MTHFD1: variants seen among roughly 807,000 people sequenced by gnomAD.
MTHFD1 encodes C-1-tetrahydrofolate synthase, cytoplasmic.
MTHFD1 carries 44 observed loss-of-function variants against 110.3 expected under a neutral mutation model. That is an observed-to-expected ratio of 0.40 (90% CI 0.31 to 0.51). MTHFD1 has a LOEUF of 0.51. Among genes scored for constraint, MTHFD1 ranks in the 20% least tolerant of loss-of-function variants. MTHFD1 has a pLI of 0.60. For missense variants in MTHFD1, 909 were observed against 1,173.1 expected (o/e 0.77, Z 3.29); for synonymous variants, 402 against 428.8 (o/e 0.94, Z 0.77).
intron 22 of MTHFD1, chr14:64,445,002 G>A: frequency 2.0e-6 from 1 of 497,832 alleles, no homozygotes; most frequent in East Asian, 3.8e-5. Flanking sequence ...TGACCCCGGG[G>A]ACATTTGGCA....
At chr14:64,395,351 G>A (rs1273295370) in intron 1 of MTHFD1, among the ~76,000 whole-genome samples, 2 of 152,160 alleles carry the variant, frequency 1.3e-5, no homozygotes, top group East Asian at 3.8e-4. Flanking sequence ...GAACAGTTTA[G>A]CAATACTGTA....
intron 2 of MTHFD1, among the ~76,000 whole-genome samples, chr14:64,407,546 CT>C (rs1215785833): frequency 9.6e-4 from 50 of 52,020 alleles, no homozygotes; most frequent in East Asian, 6.8e-3. Context: ...CACTCTCTCT[CT>C]TTTTTTTTTT....
At position 64,454,874 on chromosome 14, in the gene MTHFD1, C is replaced by A; in HGVS notation, c.2717C>A (p.Thr906Lys). Reference protein sequence around the residue: ...GAGFLYPLVGTMSTMPGLPTR... With the variant: ...GAGFLYPLVGKMSTMPGLPTR... ...GGTTTTCTGTACCCCTTAGTAGGAA[C>A]GGTAAGTGCATGCTGCAAGGGAGTA... The change falls in exon 26 of 28, where the codon ACG becomes AAG. Residue 906 changes from threonine to lysine, a missense_variant and splice_region_variant. By Grantham distance (78) the Thr-to-Lys change is moderately conservative. This residue lies in a region of MTHFD1 where 482 missense variants were observed against 646.0 expected (regional missense o/e 0.75). Transcript: ENST00000652337. 2 of 1,614,162 alleles carry A rather than the reference C, an allele frequency of 1.2e-6. No individual in the cohort carries two copies. Among genetic ancestry groups the A allele is most frequent in the Non-Finnish European group, 1.7e-6 (2 of 1,179,992 alleles).
In MTHFD1 at chr14:64,447,321, A is replaced by C. The variant is rs138984778; in HGVS notation, c.2179-896A>C. Among the ~76,000 whole-genome samples the C allele has an allele frequency of 8.1e-3, 1,222 of 151,352 alleles. 15 individuals carry two copies. The highest frequency in any genetic ancestry group is 0.028 in the African/African-American group (1,161 of 41,264). ...CAGGTTCCTGCCACCACACCTAGTT[A>C]ATTTTTATATTTTTAATAGATACGG... On this transcript the variant is annotated intron_variant, in intron 22 of 27. Transcript: ENST00000652337.
Position 64,424,904 on chromosome 14 carries a change from G to A in MTHFD1, c.828G>A (p.Gly276=), listed in dbSNP as rs376359035. The stretch of plus-strand genomic sequence containing the variant: ...TCACTCCTGTTCCTGGCGGCGTAGG[G>A]CCCATGACAGTTGCAATGCTCATGC... ...SFITPVPGGV[G]PMTVAMLMQS... is the part of the protein sequence containing the mutation. Residue 276 remains glycine (G), a synonymous_variant, in exon 9 of 28, where the codon GGG becomes GGA. Coordinates refer to ENST00000652337, the MANE Select transcript of MTHFD1 (RefSeq NM_005956.4). The A allele has an allele frequency of 3.3e-5, 53 of 1,614,060 alleles. No individual in the cohort carries two copies. The highest frequency in any genetic ancestry group is 2.9e-4 in the East Asian group (13 of 44,892).
intron 16 of MTHFD1, among the ~76,000 whole-genome samples, chr14:64,436,672 A>G (rs1268848740): frequency 6.6e-6 from 1 of 152,232 alleles, no homozygotes; most frequent in African/African-American, 2.4e-5. Context: ...CCTTGACTCA[A>G]TAACCGTTGC....
rs1373274399 is a variant in MTHFD1 at position 64,430,242 on chromosome 14, T to C, written c.1311+12T>C. On this transcript the variant is annotated intron_variant, in intron 13 of 27. Transcript: ENST00000652337. Reference sequence around the variant, plus strand: ...TTCCTATGGAAGAGGTAAAGTATTCTGGGATTTGGCTGAATTAGATCCCCC... The same window carrying C: ...TTCCTATGGAAGAGGTAAAGTATTCCGGGATTTGGCTGAATTAGATCCCCC... 3.1e-6 allele frequency: 5 copies of C among 1,612,986 alleles called. No homozygotes were observed. Among genetic ancestry groups the C allele is most frequent in the East Asian group, 4.5e-5 (2 of 44,888 alleles).
At chr14:64,438,799 C>G (rs2078225632) in intron 16 of MTHFD1, among the ~76,000 whole-genome samples, 1 of 152,120 alleles carries the variant, frequency 6.6e-6, no homozygotes, top group Non-Finnish European at 1.5e-5. Flanking sequence ...CTCTGTTTTT[C>G]TTATATGTGG....
chr14:64,450,457 C>T (rs1352492912), intron 24 of MTHFD1, among the ~76,000 whole-genome samples: 2 of 152,180 alleles, frequency 1.3e-5, no homozygotes, highest in African/African-American at 4.8e-5. Context: ...TTTTTTCCAT[C>T]ACTAAGCAAA....
At chr14:64,392,417 A>G (rs2077813804) in intron 1 of MTHFD1, among the ~76,000 whole-genome samples, 1 of 152,194 alleles carries the variant, frequency 6.6e-6, no homozygotes, top group Non-Finnish European at 1.5e-5. Flanking sequence ...GGGGCTTACT[A>G]CATTTATATG....
chr14:64,432,130 A>C (rs1339148119), intron 15 of MTHFD1, among the ~76,000 whole-genome samples: 3 of 152,232 alleles, frequency 2.0e-5, no homozygotes, highest in Admixed American at 6.5e-5. Context: ...TTATAACATG[A>C]ACAAGAGTCA....
intron 1 of MTHFD1, among the ~76,000 whole-genome samples, chr14:64,394,997 A>G (rs539677081): frequency 1.3e-5 from 2 of 152,294 alleles, no homozygotes; most frequent in African/African-American, 4.8e-5. Flanking sequence ...ATCTATGGTT[A>G]GGTAATCCTC....
intron 12 of MTHFD1, among the ~76,000 whole-genome samples, chr14:64,428,827 T>C (rs983864405): frequency 1.3e-5 from 2 of 151,794 alleles, no homozygotes; most frequent in African/African-American, 4.8e-5. Context: ...GCTGGGATAA[T>C]AGGCATGAGC....
chr14:64,459,993 A>C lies in MTHFD1; in HGVS notation c.*239A>C. 1.4e-6 allele frequency: 2 copies of C among 1,411,930 alleles called. No individual in the cohort carries two copies. The highest frequency in any genetic ancestry group is 1.9e-6 in the Non-Finnish European group (2 of 1,044,286). The allele number at this position is 1,411,930 out of a possible 1,614,324, so 87.5% of individuals were successfully genotyped here. ...AGTGACGTTCCACAGAATAAAAGGA[A>C]ACAAGTTTGCCATCTTGGTGTTGCA... On this transcript the variant is annotated 3_prime_UTR_variant, in exon 28 of 28. Coordinates refer to ENST00000652337, the MANE Select transcript of MTHFD1 (RefSeq NM_005956.4).
chr14:64,423,210 A>C (rs921990047), intron 8 of MTHFD1, among the ~76,000 whole-genome samples: 1 of 152,120 alleles, frequency 6.6e-6, no homozygotes, highest in African/African-American at 2.4e-5. Context: ...TGTGTTGACC[A>C]GCTCCTTTTA....
intron 2 of MTHFD1, among the ~76,000 whole-genome samples, chr14:64,406,489 G>GTTTT (rs1566557191): frequency 6.9e-6 from 1 of 143,924 alleles, no homozygotes. Flanking sequence ...TTTTATTTGT[G>GTTTT]GTTTTTTTTT....
chr14:64,413,347 C>T (rs550278482), intron 4 of MTHFD1, among the ~76,000 whole-genome samples: 10 of 152,128 alleles, frequency 6.6e-5, no homozygotes, highest in Admixed American at 1.3e-4. Flanking sequence ...AGCAAAACTC[C>T]GTCTCAAAAA....
chr14:64,442,016 G>T, intron 19 of MTHFD1, 38 bp from the exon 20 acceptor site: 1 of 1,377,006 alleles, frequency 7.3e-7, no homozygotes. Flanking sequence ...TTTGAAGCAG[G>T]ATTGGCAGCT....
rs538392956 is a variant in MTHFD1 at position 64,443,568 on chromosome 14, TGG to T, written c.2137-1123_2137-1122del. On this transcript the variant is annotated intron_variant, in intron 21 of 27. Transcript: ENST00000652337. Reference sequence around the variant, plus strand: ...GACTTCATGGACCCCTTCAAAGGATTGGGTCCCCGGAGCACACTGGGAATGCT... The same window carrying T: ...GACTTCATGGACCCCTTCAAAGGATTGTCCCCGGAGCACACTGGGAATGCT... Among the ~76,000 whole-genome samples, 424 of 152,326 alleles carry T rather than the reference TGG, an allele frequency of 2.8e-3. 2 individuals are homozygous for T. Among genetic ancestry groups the T allele is most frequent in the African/African-American group, 9.6e-3 (400 of 41,568 alleles).
Sources: gnomAD v4.1 joint callset for allele counts (sites outside exome capture counted in the v4.1 genomes callset) on GRCh38, gnomAD v4.1.1 for gene constraint, gnomAD v4.1.1 regional missense constraint, MANE v1.5 for transcripts, NCBI Gene and HGNC (gene_info 2026-07-23, HGNC 2026-07-21) for gene names.